The following HTT variants were observed in gnomAD, a reference collection of about 807,000 sequenced individuals.
HTT encodes huntington disease protein.
HTT carries 104 observed loss-of-function variants against 362.3 expected under a neutral mutation model. The ratio of observed to expected loss-of-function variants is 0.29; its 90% CI spans 0.24 to 0.34. HTT has a LOEUF of 0.34. Among genes scored for constraint, HTT ranks in the 10% least tolerant of loss-of-function variants. The probability of loss-of-function intolerance (pLI) is 1.00; values close to 1 mark genes in which losing one functional copy is unlikely to be tolerated. For missense variants in HTT, 3,301 were observed against 3,928.6 expected, an observed-to-expected ratio of 0.84 and a Z score of 4.27; for synonymous variants, 1,577 against 1,548.7, an observed-to-expected ratio of 1.02 and a Z score of -0.43.
At chr4:3,117,354 T>A (rs1715080790) in intron 8 of HTT, among the ~76,000 whole-genome samples, 2 of 152,100 alleles carry the variant, frequency 1.3e-5, no homozygotes, top group Non-Finnish European at 2.9e-5. Context: ...GTTTTTTTTT[T>A]AAGCTAGCTT....
At chr4:3,096,569 G>A (rs892451553) in intron 2 of HTT, among the ~76,000 whole-genome samples, 2 of 152,154 alleles carry the variant, frequency 1.3e-5, no homozygotes, top group African/African-American at 2.4e-5. Flanking sequence ...AGATAACCTG[G>A]AAAAGCCTCA....
chr4:3,192,929 C>T (rs1050837878), intron 40 of HTT, among the ~76,000 whole-genome samples: 4 of 152,242 alleles, frequency 2.6e-5, no homozygotes, highest in African/African-American at 4.8e-5. Context: ...CTTGCCTGCA[C>T]GGAACTTCCA....
intron 44 of HTT, 74 bp from the exon 45 acceptor site, chr4:3,207,207 C>A: frequency 1.5e-6 from 2 of 1,347,230 alleles, no homozygotes; most frequent in South Asian, 1.2e-5. Flanking sequence ...ATCAGTTCAT[C>A]CTTTTTAAAT....
intron 29 of HTT, among the ~76,000 whole-genome samples, chr4:3,170,410 C>T (rs527390188): frequency 1.1e-3 from 165 of 152,150 alleles, no homozygotes; most frequent in African/African-American, 3.6e-3. Context: ...TTTTCCAGTC[C>T]GCCTGCTGAG....
At chr4:3,221,419 T>A (rs1394673442) in intron 53 of HTT, among the ~76,000 whole-genome samples, 2 of 152,216 alleles carry the variant, frequency 1.3e-5, no homozygotes, top group East Asian at 3.9e-4. Flanking sequence ...GAACTGCCCA[T>A]CGGACGTGCG....
intron 2 of HTT, among the ~76,000 whole-genome samples, chr4:3,087,572 G>A (rs1399628833): frequency 6.6e-6 from 1 of 152,116 alleles, no homozygotes; most frequent in Admixed American, 6.6e-5. Flanking sequence ...CTTTGCTTTT[G>A]ACTATCTTTC....
intron 1 of HTT, among the ~76,000 whole-genome samples, chr4:3,086,346 T>C (rs1713206546): frequency 6.6e-6 from 1 of 152,178 alleles, no homozygotes; most frequent in African/African-American, 2.4e-5. Flanking sequence ...GGGCATGTCA[T>C]GGTTGGCACT....
At chr4:3,192,645 A>G (rs1193498967) in intron 40 of HTT, among the ~76,000 whole-genome samples, 3 of 152,216 alleles carry the variant, frequency 2.0e-5, no homozygotes, top group Non-Finnish European at 4.4e-5. Flanking sequence ...GTCTGCTGCA[A>G]GGGATAGCAG....
intron 2 of HTT, among the ~76,000 whole-genome samples, chr4:3,097,852 T>C (rs1237458755): frequency 2.0e-5 from 3 of 152,226 alleles, no homozygotes; most frequent in Non-Finnish European, 2.9e-5. Context: ...CTTTTAAGTG[T>C]GGTTGGAAAT....
intron 8 of HTT, among the ~76,000 whole-genome samples, chr4:3,120,115 T>G (rs1178293837): frequency 6.6e-6 from 1 of 152,072 alleles, no homozygotes; most frequent in Non-Finnish European, 1.5e-5. Flanking sequence ...AGTGAGACTT[T>G]TTACTTTATA....
intron 40 of HTT, among the ~76,000 whole-genome samples, chr4:3,194,481 G>A (rs1411982083): frequency 6.6e-6 from 1 of 152,238 alleles, no homozygotes; most frequent in Admixed American, 6.5e-5. Flanking sequence ...AGCTTTGTTT[G>A]TTGTCCATGT....
intron 31 of HTT, among the ~76,000 whole-genome samples, chr4:3,173,457 A>G (rs980230310): frequency 1.3e-5 from 2 of 152,170 alleles, no homozygotes; most frequent in African/African-American, 4.8e-5. Flanking sequence ...AATGCAGTTC[A>G]TAATGTCCCC....
chr4:3,172,621 A>T (rs1436280232), intron 30 of HTT, among the ~76,000 whole-genome samples: 1 of 152,144 alleles, frequency 6.6e-6, no homozygotes, highest in Admixed American at 6.6e-5. Flanking sequence ...GGACACCAGA[A>T]GCTCCTCTGC....
chr4:3,132,058 G>T (rs3025852), intron 16 of HTT, among the ~76,000 whole-genome samples: 3 of 152,168 alleles, frequency 2.0e-5, no homozygotes, highest in Non-Finnish European at 4.4e-5. Flanking sequence ...GTGCCTGGTC[G>T]CAGTGGCGCT....
intron 40 of HTT, among the ~76,000 whole-genome samples, chr4:3,195,533 T>A (rs1449488484): frequency 6.6e-6 from 1 of 152,064 alleles, no homozygotes; most frequent in Non-Finnish European, 1.5e-5. Flanking sequence ...CTGCCTTCTT[T>A]CTGTCTCAGA....
intron 63 of HTT, 129 bp downstream of exon 63, chr4:3,235,907 C>A (rs1721504672): frequency 1.3e-6 from 1 of 798,570 alleles, no homozygotes; most frequent in South Asian, 1.6e-5. Context: ...CCAAGCCGGC[C>A]CCATCACCTT....
At chr4:3,180,704 A>T (rs1033403829) in intron 36 of HTT, 53 bp downstream of exon 36, 13 of 1,499,700 alleles carry the variant, frequency 8.7e-6, no homozygotes, top group Admixed American at 2.0e-5. Context: ...ACCCGTGCAG[A>T]TGGAAGGAAG....
chr4:3,113,159 G>A (rs191739620), intron 6 of HTT: 2 of 225,284 alleles, frequency 8.9e-6, no homozygotes, highest in African/African-American at 4.7e-5. Context: ...CTGTTAGCTG[G>A]CTTGGAGAAG....
intron 21 of HTT, among the ~76,000 whole-genome samples, chr4:3,136,844 A>T (rs948917881): frequency 5.3e-5 from 8 of 152,074 alleles, no homozygotes; most frequent in African/African-American, 1.9e-4. Context: ...ATTACTTATT[A>T]TACATAAATG....
Sources: allele counts gnomAD v4.1 joint callset (sites outside exome capture counted in the v4.1 genomes callset), GRCh38; gene constraint gnomAD v4.1.1; transcripts MANE v1.5; gene names NCBI Gene and HGNC (gene_info 2026-07-23, HGNC 2026-07-21).